MATR3: variants seen among roughly 807,000 people sequenced by gnomAD.
MATR3 encodes the protein matrin 3.
MATR3 carries 4 observed loss-of-function variants against 85.5 expected under a neutral mutation model. The ratio of observed to expected loss-of-function variants is 0.05; its 90% confidence interval spans 0.02 to 0.11. MATR3 has a LOEUF of 0.11. MATR3 is among the 10% of genes least tolerant of loss of function. The pLI, the probability that MATR3 is intolerant of heterozygous loss-of-function variation, is 1.00. For missense variants in MATR3, 685 were observed against 1,016.1 expected (o/e 0.67, Z 4.43); for synonymous variants, 336 against 343.1 (o/e 0.98, Z 0.23).
At chr5:139,286,499 C>T (rs549081300) in intron 3 of MATR3, among the ~76,000 whole-genome samples, 1 of 149,094 alleles carries the variant, frequency 6.7e-6, no homozygotes, top group African/African-American at 2.4e-5. Flanking sequence ...TTATTTATTT[C>T]TGTAGACCTC....
chr5:139,330,764 A>C lies in MATR3; in HGVS notation c.*1369A>C, dbSNP rs746279020. The C allele has an allele frequency of 4.2e-5, 19 of 454,092 alleles. 1 individual carries two copies. Among genetic ancestry groups the C allele is most frequent in the South Asian group, 2.9e-4 (19 of 64,480 alleles). The allele number at this position is 454,092 out of a possible 1,614,324, so 28.1% of individuals were successfully genotyped here. ...GCAGCTTTTCAAAATAATTACGTAGAGACTCTTGGTATATTGGATTATCTG... is the reference window on the plus strand; with the variant it reads ...GCAGCTTTTCAAAATAATTACGTAGCGACTCTTGGTATATTGGATTATCTG... On this transcript the variant is annotated 3_prime_UTR_variant, in exon 15 of 15. Coordinates refer to ENST00000394805, the MANE Select transcript of MATR3 (RefSeq NM_018834.6).
intron 1 of MATR3, among the ~76,000 whole-genome samples, chr5:139,298,233 G>A (rs556982495): frequency 6.6e-6 from 1 of 152,256 alleles, no homozygotes; most frequent in Admixed American, 6.5e-5. Context: ...AATTATTTGA[G>A]CACTCAACTT....
intron 3 of MATR3, among the ~76,000 whole-genome samples, chr5:139,282,293 A>G (rs1167824693): frequency 6.6e-6 from 1 of 152,246 alleles, no homozygotes; most frequent in East Asian, 1.9e-4. Flanking sequence ...TCTGCTTAGC[A>G]ACATCTTTCT....
intron 3 of MATR3, among the ~76,000 whole-genome samples, chr5:139,285,776 CAA>C (rs1331871260): frequency 6.6e-6 from 1 of 152,018 alleles, no homozygotes; most frequent in African/African-American, 2.4e-5. Flanking sequence ...CTAGAGAACA[CAA>C]TGACTAAATT....
chr5:139,326,061 C>A, intron 13 of MATR3, 102 bp from the exon 14 acceptor site: 1 of 1,145,302 alleles, frequency 8.7e-7, no homozygotes, highest in Non-Finnish European at 1.3e-6. Context: ...TTGGACTTCT[C>A]AAAAACATGT....
chr5:139,318,867 G>A (rs1267051743), intron 7 of MATR3, 41 bp from the exon 8 acceptor site: 6 of 1,609,568 alleles, frequency 3.7e-6, no homozygotes, highest in Non-Finnish European at 5.1e-6. Flanking sequence ...TGAGAAAGCT[G>A]ATTGGAAAAA....
At chr5:139,278,718 C>T (rs768639630) in intron 2 of MATR3, 22 of 474,140 alleles carry the variant, frequency 4.6e-5, no homozygotes, top group South Asian at 7.5e-5. Flanking sequence ...TCAACTGATA[C>T]GTCTTCTACC....
Position 139,329,901 on chromosome 5 carries a change from G to A in MATR3, c.*506G>A. The A allele has an allele frequency of 2.2e-6, 1 of 454,490 alleles. No homozygotes were observed. The highest frequency in any genetic ancestry group is 6.9e-4 in the Middle Eastern group (1 of 1,444). 28.2% of individuals were successfully genotyped at this position (454,490 alleles called of 1,614,324 possible). Reference sequence around the variant, plus strand: ...GGAGAACTTAATTAACGTGAGATTGGCAATTGAAATGCAGGTGCAGTTTTC... The same window carrying A: ...GGAGAACTTAATTAACGTGAGATTGACAATTGAAATGCAGGTGCAGTTTTC... On this transcript the variant is annotated 3_prime_UTR_variant, in exon 15 of 15. Coordinates refer to ENST00000394805, the MANE Select transcript of MATR3 (RefSeq NM_018834.6).
intron 3 of MATR3, among the ~76,000 whole-genome samples, chr5:139,286,221 C>CA (rs901362186): frequency 1.3e-5 from 2 of 152,116 alleles, no homozygotes; most frequent in Non-Finnish European, 2.9e-5. Flanking sequence ...GACCTGGTTC[C>CA]AGGGCATTAA....
Position 139,325,421 on chromosome 5 carries a change from T to C in MATR3, c.2149-19T>C. ...TTAAATCTGGTGACAAAAATGATGA[T>C]GGTTTGGTTGAAATTAAGGTGGACA... On this transcript the variant is annotated intron_variant, in intron 12 of 14. Transcript: ENST00000394805. 6.5e-7 allele frequency: 1 copy of C among 1,544,924 alleles called. No homozygotes were observed. The highest frequency in any genetic ancestry group is 8.9e-7 in the Non-Finnish European group (1 of 1,126,426).
At chr5:139,304,436 G>A (rs1479880911) in intron 1 of MATR3, among the ~76,000 whole-genome samples, 1 of 151,456 alleles carries the variant, frequency 6.6e-6, no homozygotes, top group Non-Finnish European at 1.5e-5. Context: ...GGAGGCAGAG[G>A]TTGCAGTGAG....
chr5:139,283,096 T>C (rs1652763003), intron 3 of MATR3: 1 of 152,302 alleles, frequency 6.6e-6, no homozygotes, highest in Non-Finnish European at 1.5e-5. Flanking sequence ...TGAGAGTGGA[T>C]GCTGTAGTCC....
At chr5:139,278,977 A>G (rs1199669365) in intron 2 of MATR3, 1 of 516,184 alleles carries the variant, frequency 1.9e-6, no homozygotes, top group Non-Finnish European at 3.9e-6. Context: ...GGTGCAAACA[A>G]TTTTTTTCTG....
chr5:139,322,401 A>G, intron 10 of MATR3, 62 bp from the exon 11 acceptor site: 1 of 1,424,040 alleles, frequency 7.0e-7, no homozygotes, highest in Non-Finnish European at 9.9e-7. Flanking sequence ...CCAATTATTA[A>G]TTCACTGGAT....
intron 2 of MATR3, chr5:139,314,446 C>A: frequency 2.1e-6 from 1 of 481,696 alleles, no homozygotes; most frequent in South Asian, 2.1e-5. Flanking sequence ...AGTATGTTGA[C>A]AAGTTAATCC....
chr5:139,278,925 C>G lies in MATR3; in HGVS notation c.-256-126C>G, dbSNP rs769307549. The G allele has an allele frequency of 1.5e-5, 8 of 517,338 alleles. 1 individual carries two copies. The highest frequency in any genetic ancestry group is 1.1e-4 in the South Asian group (8 of 71,494). 32.0% of individuals were successfully genotyped at this position (517,338 alleles called of 1,614,324 possible). On this transcript the variant is annotated intron_variant, in intron 2 of 16. Coordinates refer to ENST00000509990, the Ensembl canonical transcript of MATR3. ...AGTACCTTTGGGCAGTGTTTTGCAC[C>G]TCTGAGAGTGGAATGACTCCTGTGG...
rs1200387190 is a variant in MATR3, at chr5:139,330,818, C to G, written c.*1423C>G. ...TAAACAATTTTTTTTTCTTCCCTGA[C>G]ACAGGGTCTCACTCTGTCACCCAGA... On this transcript the variant is annotated 3_prime_UTR_variant, in exon 15 of 15. Coordinates refer to ENST00000394805, the MANE Select transcript of MATR3 (RefSeq NM_018834.6). 1 of 453,918 alleles carries G rather than the reference C, an allele frequency of 2.2e-6. No homozygotes were observed. Among genetic ancestry groups the G allele is most frequent in the South Asian group, 1.6e-5 (1 of 64,476 alleles). The allele number at this position is 453,918 out of a possible 1,614,324, so 28.1% of individuals were successfully genotyped here.
At chr5:139,296,082 C>T (rs1054556319) in intron 1 of MATR3, among the ~76,000 whole-genome samples, 2 of 152,156 alleles carry the variant, frequency 1.3e-5, no homozygotes. Flanking sequence ...CAGACTCCTT[C>T]ATAGTATAAT....
At chr5:139,283,353 A>G (rs896176129) in intron 3 of MATR3, 9 of 152,382 alleles carry the variant, frequency 5.9e-5, no homozygotes, top group East Asian at 1.9e-4. Flanking sequence ...AACCTGTTCA[A>G]CTAGGCTGAC....
Sources: allele counts gnomAD v4.1 joint callset (sites outside exome capture counted in the v4.1 genomes callset), GRCh38; gene constraint gnomAD v4.1.1; transcripts MANE v1.5; gene names NCBI Gene and HGNC (gene_info 2026-07-23, HGNC 2026-07-21).